The following ANKRD55 variants were observed in gnomAD, a reference collection of about 807,000 sequenced individuals.
ANKRD55 encodes the protein ankyrin repeat domain-containing protein 55.
In ANKRD55, 41 loss-of-function variants were observed where a neutral mutation model predicts 60.6. The observed-to-expected ratio is 0.68, with a 90% confidence interval of 0.53 to 0.88. ANKRD55 has a LOEUF of 0.88. ANKRD55 is among the 40% of genes least tolerant of loss of function. The pLI is 0.00. For missense variants in ANKRD55, 732 were observed against 767.6 expected (o/e 0.95, Z 0.55); for synonymous variants, 264 against 290.3 (o/e 0.91, Z 0.92).
intron 2 of ANKRD55, among the ~76,000 whole-genome samples, chr5:56,185,905 A>G (rs997704056): frequency 6.6e-6 from 1 of 152,222 alleles, no homozygotes; most frequent in African/African-American, 2.4e-5. Flanking sequence ...ACTTATGACA[A>G]CAAACTGTTT....
chr5:56,111,861 A>C, intron 9 of ANKRD55, 79 bp from the exon 10 acceptor site: 1 of 1,307,380 alleles, frequency 7.6e-7, no homozygotes, highest in Non-Finnish European at 1.0e-6. Flanking sequence ...CCGACCCCCT[A>C]TTCCACATGC....
chr5:56,183,143 G>A (rs1289706870), intron 3 of ANKRD55, among the ~76,000 whole-genome samples: 1 of 152,124 alleles, frequency 6.6e-6, no homozygotes, highest in Non-Finnish European at 1.5e-5. Flanking sequence ...AACGTCCAGG[G>A]TTTTTAGTTG....
At chr5:56,193,186 T>C in intron 2 of ANKRD55, 1 of 774,040 alleles carries the variant, frequency 1.3e-6, no homozygotes, top group East Asian at 3.0e-5. Context: ...GAGCAGGATA[T>C]TTACTAAGCA....
At chr5:56,204,081 G>C (rs1759444281) in intron 2 of ANKRD55, among the ~76,000 whole-genome samples, 1 of 152,282 alleles carries the variant, frequency 6.6e-6, no homozygotes, top group African/African-American at 2.4e-5. Context: ...CTGATGGCCA[G>C]TGATGATGAG....
rs1223468996 is a variant in ANKRD55 at position 56,111,495 on chromosome 5, A to G, written c.1253T>C (p.Leu418Ser). ...ACGGGCCAGCGGTTTCTTTTCTGGTAAGAGATATTTTGAATTGTCTGAGGT... is the reference window on the plus strand; with the variant it reads ...ACGGGCCAGCGGTTTCTTTTCTGGTGAGAGATATTTTGAATTGTCTGAGGT... The part of the protein sequence containing the change: ...KKTSDNSKYL[L>S]PEKKPLARKG... The change falls in exon 10 of 12, where the codon TTA (leucine) becomes TCA (serine). Residue 418 changes from leucine to serine, a missense_variant. Around this residue, in one of 3 missense-constraint regions of ANKRD55, gnomAD observed 597 missense variants for 607.5 expected, o/e 0.98. Coordinates refer to ENST00000341048, the MANE Select transcript of ANKRD55 (RefSeq NM_024669.3). 6.2e-7 allele frequency: 1 copy of G among 1,614,130 alleles called. No individual in the cohort carries two copies.
intron 2 of ANKRD55, among the ~76,000 whole-genome samples, chr5:56,214,458 T>C (rs1759755011): frequency 6.6e-6 from 1 of 152,250 alleles, no homozygotes; most frequent in South Asian, 2.1e-4. Context: ...GTTGTAATCA[T>C]CTTTACAACG....
chr5:56,166,124 TTC>T (rs1758458042), intron 5 of ANKRD55, among the ~76,000 whole-genome samples: 1 of 89,438 alleles, frequency 1.1e-5, no homozygotes, highest in Non-Finnish European at 2.2e-5. Flanking sequence ...CTTTCTTTCT[TTC>T]TTTCTTTCTT....
rs1366507302 is a variant in ANKRD55 at position 56,111,142 on chromosome 5, G to A, written c.1606C>T (p.Arg536Cys). 8 of 1,613,958 alleles carry A rather than the reference G, an allele frequency of 5.0e-6. No individual in the cohort carries two copies. The highest frequency in any genetic ancestry group is 2.7e-5 in the African/African-American group (2 of 75,042). The change falls in exon 10 of 12, where the codon CGC (arginine) becomes TGC (cysteine). Residue 536 changes from arginine (R) to cysteine (C), a missense_variant. Transcript: ENST00000341048. ...CCTGATGATGGATTATGTAGATGGC[G>A]AAGGTGTGGTGGCACGGAGACCTCT... ...HQEVSVPPHLRHLHNPSSGQN... is the reference protein window; with the variant it reads ...HQEVSVPPHLCHLHNPSSGQN...
At chr5:56,152,310 T>TC in intron 6 of ANKRD55, among the ~76,000 whole-genome samples, 1 of 151,888 alleles carries the variant, frequency 6.6e-6, no homozygotes, top group Non-Finnish European at 1.5e-5. Context: ...AAAGGTCACA[T>TC]CTGTTTTTGC....
At chr5:56,171,662 A>G (rs1758613148) in intron 4 of ANKRD55, among the ~76,000 whole-genome samples, 1 of 152,242 alleles carries the variant, frequency 6.6e-6, no homozygotes, top group Non-Finnish European at 1.5e-5. Context: ...ATACTTAAAA[A>G]TAGATGAAAT....
chr5:56,184,392 T>G (rs1758920788), intron 2 of ANKRD55, among the ~76,000 whole-genome samples: 2 of 152,318 alleles, frequency 1.3e-5, no homozygotes, highest in South Asian at 4.1e-4. Flanking sequence ...CCACTGATGT[T>G]AGTCTGTGGA....
chr5:56,167,526 G>C (rs1758512595), intron 5 of ANKRD55, among the ~76,000 whole-genome samples: 1 of 152,170 alleles, frequency 6.6e-6, no homozygotes, highest in South Asian at 2.1e-4. Context: ...GCATTTACCA[G>C]AAATAACAAT....
intron 10 of ANKRD55, among the ~76,000 whole-genome samples, chr5:56,104,095 T>C (rs1580932150): frequency 6.6e-6 from 1 of 152,332 alleles, no homozygotes; most frequent in South Asian, 2.1e-4. Flanking sequence ...AGCGAACAAC[T>C]ATTTATCCAT....
chr5:56,165,765 A>G (rs571606573), intron 5 of ANKRD55, among the ~76,000 whole-genome samples: 4 of 152,132 alleles, frequency 2.6e-5, no homozygotes, highest in Non-Finnish European at 5.9e-5. Flanking sequence ...CCCCATCTCT[A>G]CTAAAAATAC....
At chr5:56,211,105 T>G (rs1581024587) in intron 2 of ANKRD55, among the ~76,000 whole-genome samples, 2 of 152,274 alleles carry the variant, frequency 1.3e-5, no homozygotes, top group South Asian at 4.1e-4. Flanking sequence ...TTGTGGTAGG[T>G]CCCCAGTCAA....
At chr5:56,207,860 CAA>C (rs982329545) in intron 2 of ANKRD55, among the ~76,000 whole-genome samples, 2 of 152,142 alleles carry the variant, frequency 1.3e-5, no homozygotes, top group African/African-American at 4.8e-5. Context: ...CATTTATAAA[CAA>C]ATGTTTTCTT....
intron 5 of ANKRD55, among the ~76,000 whole-genome samples, chr5:56,162,819 GT>G (rs1758365594): frequency 1.3e-5 from 2 of 152,138 alleles, no homozygotes; most frequent in African/African-American, 4.8e-5. Context: ...CACTACAGGT[GT>G]GCACCATCAC....
At chr5:56,127,172 T>A (rs559862687) in intron 7 of ANKRD55, 66 bp from the exon 8 acceptor site, 68 of 1,337,150 alleles carry the variant, frequency 5.1e-5, no homozygotes, top group Non-Finnish European at 6.4e-5. Context: ...CTAGGCATGT[T>A]AAGATAAAAA....
intron 6 of ANKRD55, among the ~76,000 whole-genome samples, chr5:56,154,062 A>T (rs1041499113): frequency 2.0e-5 from 3 of 150,782 alleles, no homozygotes; most frequent in African/African-American, 7.3e-5. Context: ...ATACAAAAAA[A>T]ATTAGCTGGG....
Sources: allele counts gnomAD v4.1 joint callset (sites outside exome capture counted in the v4.1 genomes callset), GRCh38; gene constraint gnomAD v4.1.1; regional missense constraint gnomAD v4.1.1; transcripts MANE v1.5; gene names NCBI Gene and HGNC (gene_info 2026-07-23, HGNC 2026-07-21).